NOCT: variants seen among roughly 807,000 people sequenced by gnomAD.
The protein encoded by NOCT is nocturnin.
In NOCT, 18 loss-of-function variants were observed where a neutral mutation model predicts 35.0. The observed-to-expected ratio is 0.51, with a 90% CI of 0.36 to 0.76. The LOEUF is 0.76. NOCT is among the 30% of genes least tolerant of loss of function. The pLI, the probability that NOCT is intolerant of heterozygous loss-of-function variation, is 0.01. For missense variants in NOCT, 479 were observed against 541.0 expected (o/e 0.89, Z 1.14); for synonymous variants, 235 against 226.3 (o/e 1.04, Z -0.34).
rs537375822 is a variant in NOCT at position 139,016,102 on chromosome 4, C to T, written c.121C>T (p.Pro41Ser). 1.4e-3 allele frequency: 1,819 copies of T among 1,330,230 alleles called. 2 individuals are homozygous for T. Among genetic ancestry groups the T allele is most frequent in the Non-Finnish European group, 1.3e-3 (1,310 of 1,039,666 alleles). 82.4% of individuals were successfully genotyped at this position (1,330,230 alleles called of 1,614,324 possible). Residue 41 changes from proline (P) to serine (S), a missense_variant, in exon 1 of 3, where the codon CCC (proline) becomes TCC (serine). Pro to Ser is a moderately conservative substitution (Grantham distance 74, BLOSUM62 -1). Coordinates refer to ENST00000280614, the MANE Select transcript of NOCT (RefSeq NM_012118.4). The stretch of plus-strand genomic sequence containing the variant: ...GTCCCCGCCGGCTGCTGTTCCCAGG[C>T]CCGCATCCCCCCGGCTGCTGGCGGC... ...PLSPPAAVPR[P>S]ASPRLLAAAS...
chr4:139,037,776 T>C (rs1726760733), intron 1 of NOCT, among the ~76,000 whole-genome samples: 2 of 152,144 alleles, frequency 1.3e-5, no homozygotes, highest in Non-Finnish European at 1.5e-5. Flanking sequence ...TAGTCTCAGC[T>C]ACTCAGGAGG....
At chr4:139,019,324 G>T (rs550152528) in intron 1 of NOCT, among the ~76,000 whole-genome samples, 8 of 152,306 alleles carry the variant, frequency 5.3e-5, no homozygotes, top group African/African-American at 1.9e-4. Flanking sequence ...AAAGTGCTGG[G>T]ATTACAGGTG....
chr4:139,021,175 G>T (rs1312871775), intron 1 of NOCT, among the ~76,000 whole-genome samples: 1 of 151,312 alleles, frequency 6.6e-6, no homozygotes, highest in Non-Finnish European at 1.5e-5. Context: ...TTAAAAAATT[G>T]TATATTTTGT....
chr4:139,021,063 T>G (rs1726400557), intron 1 of NOCT, among the ~76,000 whole-genome samples: 1 of 138,942 alleles, frequency 7.2e-6, no homozygotes, highest in African/African-American at 2.8e-5. Flanking sequence ...GGAGCAATAC[T>G]CTGTCTCAAA....
Position 139,016,489 on chromosome 4 carries a change from A to G in NOCT, c.190+318A>G, listed in dbSNP as rs1726306280. On this transcript the variant is annotated intron_variant, in intron 1 of 2. Coordinates refer to ENST00000280614, the MANE Select transcript of NOCT (RefSeq NM_012118.4). Reference sequence around the variant, plus strand: ...CCCCCTTCCGAGGCCGCGAGTTACTATGTTGGTTACATTTTTTATTGCACG... The same window carrying G: ...CCCCCTTCCGAGGCCGCGAGTTACTGTGTTGGTTACATTTTTTATTGCACG... Among the ~76,000 whole-genome samples the G allele has an allele frequency of 7.3e-5, 11 of 151,722 alleles. No individual in the cohort carries two copies. The South Asian group carries it at 2.3e-3, about 32-fold the overall frequency.
Position 139,043,287 on chromosome 4 carries a change from A to C in NOCT, c.404A>C (p.Asp135Ala). 6.2e-7 allele frequency: 1 copy of C among 1,614,190 alleles called. No individual in the cohort carries two copies. The highest frequency in any genetic ancestry group is 8.5e-7 in the Non-Finnish European group (1 of 1,180,032). The change falls in exon 2 of 3, where the codon GAT (aspartate) becomes GCT (alanine). Residue 135 changes from aspartate (D) to alanine (A), a missense_variant. Coordinates refer to ENST00000280614, the MANE Select transcript of NOCT (RefSeq NM_012118.4). ...AGGGATTTTGTGGATCTGAGGACAG[A>C]TTGCCCTAGTACCCACCCACCTATC... ...FQRDFVDLRT[D>A]CPSTHPPIRV...
chr4:139,039,170 C>CAA lies in NOCT; in HGVS notation c.191-3888_191-3887dup, dbSNP rs59445691. The stretch of plus-strand genomic sequence containing the variant: ...GGGCAACACAGTGAAGACTCCATTT[C>CAA]AAAAAAAAAAAAAAAAAGCCATTCT... On this transcript the variant is annotated intron_variant, in intron 1 of 2. Coordinates refer to ENST00000280614, the MANE Select transcript of NOCT (RefSeq NM_012118.4). Among the ~76,000 whole-genome samples, 540 of 91,362 alleles carry CAA rather than the reference C, an allele frequency of 5.9e-3. 26 individuals are homozygous for CAA. The highest frequency in any genetic ancestry group is 0.022 in the African/African-American group (514 of 23,110). 59.9% of individuals were successfully genotyped at this position (91,362 alleles called of 152,430 possible).
intron 1 of NOCT, among the ~76,000 whole-genome samples, chr4:139,038,682 G>GA (rs1434131508): frequency 6.6e-6 from 1 of 152,166 alleles, no homozygotes; most frequent in Admixed American, 6.5e-5. Context: ...TGAAACTTAT[G>GA]AAAAAAGTTT....
chr4:139,027,586 G>A (rs1206323769), intron 1 of NOCT, among the ~76,000 whole-genome samples: 3 of 151,586 alleles, frequency 2.0e-5, no homozygotes, highest in Admixed American at 1.3e-4. Context: ...TGCAAGCTCC[G>A]CCTCCCGGGT....
chr4:139,031,332 G>A (rs1726619608), intron 1 of NOCT, among the ~76,000 whole-genome samples: 1 of 151,996 alleles, frequency 6.6e-6, no homozygotes, highest in African/African-American at 2.4e-5. Context: ...TGTATTTTTA[G>A]TAGAGACGGG....
chr4:139,021,421 C>T (rs1358971201), intron 1 of NOCT, among the ~76,000 whole-genome samples: 2 of 152,000 alleles, frequency 1.3e-5, no homozygotes, highest in Non-Finnish European at 2.9e-5. Context: ...GAGTTCGAGA[C>T]CAGCCTGACC....
chr4:139,041,180 A>T (rs1466346636), intron 1 of NOCT, among the ~76,000 whole-genome samples: 1 of 152,198 alleles, frequency 6.6e-6, no homozygotes, highest in Non-Finnish European at 1.5e-5. Context: ...TTGAGTAGAC[A>T]GGAAGGAACA....
chr4:139,038,931 T>C (rs900635179), intron 1 of NOCT, among the ~76,000 whole-genome samples: 3 of 152,192 alleles, frequency 2.0e-5, no homozygotes, highest in Admixed American at 6.5e-5. Flanking sequence ...GGCAAATTTT[T>C]TTTTGAAGAA....
chr4:139,015,950 C>A lies in NOCT; in HGVS notation c.-32C>A. The A allele has an allele frequency of 7.6e-7, 1 of 1,313,172 alleles. No individual in the cohort carries two copies. Among genetic ancestry groups the A allele is most frequent in the Non-Finnish European group, 9.7e-7 (1 of 1,035,186 alleles). The allele number at this position is 1,313,172 out of a possible 1,614,324, so 81.3% of individuals were successfully genotyped here. The stretch of plus-strand genomic sequence containing the variant: ...CCAGCCGGGCTCCGCTCCTCGGGCG[C>A]GCGAGGGGCCGTGGTGGCGGCGGCG... On this transcript the variant is annotated 5_prime_UTR_variant, in exon 1 of 3. Coordinates refer to ENST00000280614, the MANE Select transcript of NOCT (RefSeq NM_012118.4).
In NOCT at chr4:139,030,900, A is replaced by G. The variant is rs184052731; in HGVS notation, c.191-12174A>G. On this transcript the variant is annotated intron_variant, in intron 1 of 2. Coordinates refer to ENST00000280614, the MANE Select transcript of NOCT (RefSeq NM_012118.4). Reference sequence around the variant, plus strand: ...GTTTTTGTGTGTTGTGTGTGCTTCTAGGTTTCCTCGGGCGGAGGTTGATCA... The same window carrying G: ...GTTTTTGTGTGTTGTGTGTGCTTCTGGGTTTCCTCGGGCGGAGGTTGATCA... Among the ~76,000 whole-genome samples, 60 of 152,222 alleles carry G rather than the reference A, an allele frequency of 3.9e-4. No individual in the cohort carries two copies. In the Middle Eastern group the frequency reaches 0.01, roughly 26 times the overall value.
At position 139,044,738 on chromosome 4, in the gene NOCT, A is replaced by G. The variant is rs1560735412; in HGVS notation, c.560A>G (p.Gln187Arg). The G allele has an allele frequency of 9.3e-6, 15 of 1,614,204 alleles. No individual in the cohort carries two copies. Among genetic ancestry groups the G allele is most frequent in the Non-Finnish European group, 1.1e-5 (13 of 1,180,012 alleles). ...ATCCTGGAAGAAATCCTGGCCTACCAGCCTGATATATTGTGCCTCCAAGAG... is the reference window on the plus strand; with the variant it reads ...ATCCTGGAAGAAATCCTGGCCTACCGGCCTGATATATTGTGCCTCCAAGAG... ...CLILEEILAYQPDILCLQEVD... is the reference protein window; with the variant it reads ...CLILEEILAYRPDILCLQEVD... Residue 187 changes from glutamine (Q) to arginine (R), a missense_variant, in exon 3 of 3, where the codon CAG (glutamine) becomes CGG (arginine). Physicochemically the swap from Gln to Arg is conservative, Grantham distance 43. Transcript: ENST00000280614.
chr4:139,019,808 G>C (rs1206220364), intron 1 of NOCT, among the ~76,000 whole-genome samples: 1 of 152,182 alleles, frequency 6.6e-6, no homozygotes. Context: ...TACTGTACTG[G>C]ATGAAACGCA....
intron 1 of NOCT, among the ~76,000 whole-genome samples, chr4:139,031,007 G>A (rs758923419): frequency 5.3e-5 from 8 of 152,132 alleles, no homozygotes; most frequent in African/African-American, 9.7e-5. Context: ...CCAGGCCACC[G>A]TTTCAAGATA....
Position 139,016,124 on chromosome 4 carries a change from C to T in NOCT, c.143C>T (p.Ala48Val). ...AGGCCCGCATCCCCCCGGCTGCTGG[C>T]GGCGGCCTCGGCGGCCTCGGGCGCC... ...VPRPASPRLLAAASAASGAAR... is the reference protein window; with the variant it reads ...VPRPASPRLLVAASAASGAAR... Residue 48 changes from alanine to valine, a missense_variant, in exon 1 of 3, where the codon GCG (alanine) becomes GTG (valine). By Grantham distance (64) the Ala-to-Val change is moderately conservative (BLOSUM62 0). This residue lies in a region of NOCT where 265 missense variants were observed against 257.0 expected (regional missense o/e 1.03). Coordinates refer to ENST00000280614, the MANE Select transcript of NOCT (RefSeq NM_012118.4). 1 of 1,285,472 alleles carries T rather than the reference C, an allele frequency of 7.8e-7. No individual in the cohort carries two copies. Among genetic ancestry groups the T allele is most frequent in the Non-Finnish European group, 9.8e-7 (1 of 1,019,138 alleles). The allele number at this position is 1,285,472 out of a possible 1,614,324, so 79.6% of individuals were successfully genotyped here.
Sources: allele counts gnomAD v4.1 joint callset (sites outside exome capture counted in the v4.1 genomes callset), GRCh38; gene constraint gnomAD v4.1.1; regional missense constraint gnomAD v4.1.1; transcripts MANE v1.5; gene names NCBI Gene and HGNC (gene_info 2026-07-23, HGNC 2026-07-21).